Variants in POTEM observed in about 807,000 individuals in gnomAD.
POTEM encodes POTE ankyrin domain family member M, also known as putative POTE ankyrin domain family member M.
For synonymous variants in POTEM, 8 were observed against 113.2 expected (o/e 0.07, Z 5.90); for missense variants, 24 against 343.0 (o/e 0.07, Z 7.35).
chr14:18,985,903 CAAAAAAAAAAA>C (rs1162516671), intron 7 of POTEM, among the ~76,000 whole-genome samples: 1 of 68,972 alleles, frequency 1.4e-5, no homozygotes, highest in Non-Finnish European at 2.5e-5. Context: ...GACTCTGTGT[CAAAAAAAAAAA>C]AAAAAAAAAA....
intron 6 of POTEM, among the ~76,000 whole-genome samples, chr14:18,981,357 A>C (rs1891076565): frequency 6.7e-6 from 1 of 149,002 alleles, no homozygotes; most frequent in Non-Finnish European, 1.5e-5. Context: ...TACAGAGCAC[A>C]AACAATTAAA....
At chr14:18,968,691 C>T (rs1284225159) in intron 1 of POTEM, among the ~76,000 whole-genome samples, 10 of 152,170 alleles carry the variant, frequency 6.6e-5, no homozygotes, top group African/African-American at 2.4e-4. Context: ...GACGCGGTGG[C>T]AGGCACCTGT....
chr14:18,975,058 G>A (rs1890932822), intron 3 of POTEM: 1 of 348,722 alleles, frequency 2.9e-6, no homozygotes. Context: ...TTTTATCTCT[G>A]TGGTTGAGAC....
chr14:18,969,392 T>C (rs534137970), intron 1 of POTEM, among the ~76,000 whole-genome samples: 594 of 132,906 alleles, frequency 4.5e-3, no homozygotes, highest in African/African-American at 0.016. Context: ...CAAAATTTCT[T>C]TTTTTTTTTT....
intron 1 of POTEM, among the ~76,000 whole-genome samples, chr14:18,969,342 CAT>C (rs1890850899): frequency 1.1e-5 from 1 of 89,512 alleles, no homozygotes; most frequent in South Asian, 3.5e-4. Context: ...TACGTATATA[CAT>C]ATATATACAT....
At chr14:18,969,300 T>C (rs1433181771) in intron 1 of POTEM, among the ~76,000 whole-genome samples, 3 of 61,690 alleles carry the variant, frequency 4.9e-5, no homozygotes, top group Non-Finnish European at 1.1e-4. Flanking sequence ...TATATATATG[T>C]ATATACGTAT....
chr14:18,996,132 T>G (rs142012749), intron 9 of POTEM, among the ~76,000 whole-genome samples: 1 of 147,886 alleles, frequency 6.8e-6, no homozygotes, highest in African/African-American at 2.5e-5. Context: ...TCTTGCCCAA[T>G]TGCTTTGCCT....
At chr14:18,974,958 T>G (rs1890929315) in intron 3 of POTEM, 3 of 396,642 alleles carry the variant, frequency 7.6e-6, no homozygotes, top group African/African-American at 2.2e-5. Context: ...AGGCTGGTCT[T>G]GAACTCCTGG....
chr14:18,977,213 A>T (rs1326254260), intron 4 of POTEM: 1 of 470,572 alleles, frequency 2.1e-6, no homozygotes, highest in Non-Finnish European at 3.9e-6. Context: ...CTTGTCCATC[A>T]AAGGACTTTA....
At chr14:18,968,679 T>C (rs1239913709) in intron 1 of POTEM, among the ~76,000 whole-genome samples, 4 of 151,700 alleles carry the variant, frequency 2.6e-5, no homozygotes. Context: ...AAAAATTAGC[T>C]GGACGCGGTG....
intron 6 of POTEM, among the ~76,000 whole-genome samples, chr14:18,981,927 TAGGAA>T (rs1891092719): frequency 6.7e-6 from 1 of 148,774 alleles, no homozygotes; most frequent in African/African-American, 2.5e-5. Flanking sequence ...GCTAAAACAG[TAGGAA>T]CCAGAGTTGT....
At chr14:18,975,568 TGTGA>T in intron 3 of POTEM, among the ~76,000 whole-genome samples, 1 of 139,676 alleles carries the variant, frequency 7.2e-6, no homozygotes. Context: ...AGATGGGCAG[TGTGA>T]GTTTTAATAG....
chr14:18,974,827 C>T (rs1357069808), intron 3 of POTEM: 1 of 413,706 alleles, frequency 2.4e-6, no homozygotes, highest in African/African-American at 2.1e-5. Context: ...GCAACCTCGA[C>T]CTCCCGAAGC....
chr14:18,969,353 A>ATGTGTG (rs1491189147), intron 1 of POTEM, among the ~76,000 whole-genome samples: 50 of 100,874 alleles, frequency 5.0e-4, no homozygotes, highest in Middle Eastern at 4.9e-3. Context: ...ATATATATAC[A>ATGTGTG]TGTGTATATA....
At chr14:18,987,578 T>TA (rs1891210615) in intron 8 of POTEM, among the ~76,000 whole-genome samples, 1 of 148,250 alleles carries the variant, frequency 6.7e-6, no homozygotes, top group Non-Finnish European at 1.5e-5. Context: ...ATTTTATGGC[T>TA]ATCGAATGTG....
Position 18,988,269 on chromosome 14 carries a change from GA to G in POTEM, c.1259del (p.Lys420ArgfsTer27), listed in dbSNP as rs1891227974. On this transcript the variant is annotated frameshift_variant, in exon 9 of 11. Transcript: ENST00000547889. LOFTEE classifies it high-confidence loss of function. ...TTTCATTCAAGGTTGAAGAAGAAAT[GA>G]AGAAGCACGGAAGTACTCATATGGG... ...GGDRKVEEEM[K>X]KHGSTHMGFP... 3.5e-6 allele frequency: 2 copies of G among 571,980 alleles called. No homozygotes were observed. Among genetic ancestry groups the G allele is most frequent in the East Asian group, 8.2e-5 (2 of 24,466 alleles). 35.4% of individuals were successfully genotyped at this position (571,980 alleles called of 1,614,324 possible).
At chr14:18,968,738 G>A (rs1358203377) in intron 1 of POTEM, among the ~76,000 whole-genome samples, 1 of 152,276 alleles carries the variant, frequency 6.6e-6, no homozygotes, top group Non-Finnish European at 1.5e-5. Context: ...CAGGAGAATG[G>A]CGTGAACCCG....
chr14:18,999,450 G>A lies in POTEM; in HGVS notation c.*785G>A, dbSNP rs1290415748. ...TGACTACCTCATGAAGATCCTCACC[G>A]AGCGTGGCTATAGTTTCACCACCAT... On this transcript the variant is annotated 3_prime_UTR_variant, in exon 11 of 11. Coordinates refer to ENST00000547889, the MANE Select transcript of POTEM (RefSeq NM_001145442.1). 1.9e-5 allele frequency among the ~76,000 whole-genome samples: 2 copies of A among 107,958 alleles called. No individual in the cohort carries two copies. The highest frequency in any genetic ancestry group is 2.7e-4 in the South Asian group (1 of 3,688). 70.8% of individuals were successfully genotyped at this position (107,958 alleles called of 152,430 possible).
intron 1 of POTEM, among the ~76,000 whole-genome samples, chr14:18,969,341 A>G (rs1256153721): frequency 1.8e-4 from 20 of 111,240 alleles, no homozygotes; most frequent in Non-Finnish European, 8.8e-5. Flanking sequence ...ATACGTATAT[A>G]CATATATATA....
Sources: gnomAD v4.1 joint callset for allele counts (sites outside exome capture counted in the v4.1 genomes callset) on GRCh38, gnomAD v4.1.1 for gene constraint, MANE v1.5 for transcripts, NCBI Gene and HGNC (gene_info 2026-07-23, HGNC 2026-07-21) for gene names.